SEM1: variants seen among roughly 807,000 people sequenced by gnomAD.
SEM1 encodes 26S proteasome complex subunit SEM1.
A neutral mutation model predicts 12.7 loss-of-function variants in SEM1; 3 were observed. That is an observed-to-expected ratio of 0.24 (90% CI 0.11 to 0.61). SEM1 has a LOEUF of 0.61. Ranked by LOEUF, SEM1 falls within the 20% of genes least tolerant of loss-of-function variation. The pLI, the probability that SEM1 is intolerant of heterozygous loss-of-function variation, is 0.88. For synonymous variants in SEM1, 30 were observed against 27.8 expected, an observed-to-expected ratio of 1.08 and a Z score of -0.25; for missense variants, 59 against 81.3, an observed-to-expected ratio of 0.73 and a Z score of 1.06.
Position 96,678,002 on chromosome 7 carries a change from C to T in SEM1, c.171-4143G>A, listed in dbSNP as rs1000051596. Reference sequence around the variant, plus strand: ...CATATGTGAACTAACAGACTACTTTCAGTGAATACAATGCCTGACGCTTGG... The same window carrying T: ...CATATGTGAACTAACAGACTACTTTTAGTGAATACAATGCCTGACGCTTGG... On this transcript the variant is annotated intron_variant, in intron 2 of 2. Transcript: ENST00000413065. Among the ~76,000 whole-genome samples, 4 of 152,206 alleles carry T rather than the reference C, an allele frequency of 2.6e-5. No individual in the cohort carries two copies. In the East Asian group the frequency reaches 7.7e-4, roughly 29 times the overall value.
intron 2 of SEM1, among the ~76,000 whole-genome samples, chr7:96,595,963 G>A (rs1806985813): frequency 6.6e-6 from 1 of 152,204 alleles, no homozygotes; most frequent in African/African-American, 2.4e-5. Flanking sequence ...AATAGAGCAA[G>A]CTATGCAGCC....
At position 96,512,501 on chromosome 7, in the gene SEM1, G is replaced by C. The variant is rs528666512; in HGVS notation, c.171-5803C>G. ...TTAGTCAATATAATTGAAGCCAAAT[G>C]TAATTAATTATATAATTTCTGGCTG... On this transcript the variant is annotated intron_variant and NMD_transcript_variant, in intron 2 of 3. Transcript: ENST00000466986. 2.6e-5 allele frequency among the ~76,000 whole-genome samples: 4 copies of C among 152,228 alleles called. No individual in the cohort carries two copies. In the East Asian group the frequency reaches 5.8e-4, roughly 22 times the overall value.
intron 2 of SEM1, chr7:96,647,394 T>C (rs1432002917): frequency 6.6e-6 from 1 of 152,232 alleles, no homozygotes; most frequent in Non-Finnish European, 1.5e-5. Context: ...AGACAAGTAC[T>C]TTTCTCTTAG....
At chr7:96,526,044 C>A (rs570727940) in intron 2 of SEM1, among the ~76,000 whole-genome samples, 1 of 152,036 alleles carries the variant, frequency 6.6e-6, no homozygotes. Flanking sequence ...ATTTTAAAAT[C>A]TTTTTATCAC....
intron 2 of SEM1, among the ~76,000 whole-genome samples, chr7:96,564,486 A>C (rs1279302327): frequency 1.3e-5 from 2 of 152,050 alleles, no homozygotes; most frequent in African/African-American, 4.8e-5. Context: ...CAGGTTCTGG[A>C]GATTAGCAAG....
chr7:96,709,280 G>GT (rs1790571560), intron 1 of SEM1, among the ~76,000 whole-genome samples: 2 of 152,192 alleles, frequency 1.3e-5, no homozygotes, highest in Admixed American at 6.5e-5. Flanking sequence ...CAGCATTGGC[G>GT]TAACTACTGA....
chr7:96,575,088 C>T (rs1000659043), intron 2 of SEM1, among the ~76,000 whole-genome samples: 3 of 152,174 alleles, frequency 2.0e-5, no homozygotes, highest in Non-Finnish European at 2.9e-5. Flanking sequence ...GGTTTTTCCT[C>T]ATCTTTGTGG....
intron 2 of SEM1, among the ~76,000 whole-genome samples, chr7:96,511,914 C>T (rs927465063): frequency 4.6e-5 from 7 of 152,086 alleles, no homozygotes; most frequent in Admixed American, 2.0e-4. Flanking sequence ...GCATACAAAT[C>T]ACCTGACATT....
At chr7:96,483,716 C>T in exon 4 of SEM1, 2 of 1,077,066 alleles carry the variant, frequency 1.9e-6, no homozygotes, top group Middle Eastern at 5.4e-4. Context: ...ATGTGACCCA[C>T]CCAGCCACAC....
chr7:96,509,500 G>A (rs1803864812), intron 2 of SEM1, among the ~76,000 whole-genome samples: 1 of 152,094 alleles, frequency 6.6e-6, no homozygotes, highest in Non-Finnish European at 1.5e-5. Context: ...ATCAATGGAA[G>A]AACAAACTCT....
chr7:96,503,146 A>G (rs1803626329), intron 3 of SEM1, among the ~76,000 whole-genome samples: 1 of 152,168 alleles, frequency 6.6e-6, no homozygotes, highest in South Asian at 2.1e-4. Context: ...AGGCTCTCCA[A>G]AATGGCTATG....
At chr7:96,492,585 ATTTTTTTTTT>A (rs59252542) in intron 1 of SEM1, among the ~76,000 whole-genome samples, 19 of 79,674 alleles carry the variant, frequency 2.4e-4, no homozygotes, top group East Asian at 8.8e-4. Context: ...AATTTTTTGT[ATTTTTTTTTT>A]TTTTTTTTTT....
chr7:96,699,919 C>A (rs906587666), intron 1 of SEM1, among the ~76,000 whole-genome samples: 1 of 132,612 alleles, frequency 7.5e-6, no homozygotes, highest in African/African-American at 2.5e-5. Context: ...ACTGATTCTT[C>A]TCTCCCTTAA....
intron 1 of SEM1, among the ~76,000 whole-genome samples, chr7:96,703,681 T>C (rs181367902): frequency 9.3e-5 from 14 of 151,280 alleles, no homozygotes; most frequent in Non-Finnish European, 4.4e-5. Flanking sequence ...CCAGGTGCAG[T>C]GGCTCACCTG....
chr7:96,660,928 C>T (rs955799395), intron 2 of SEM1, among the ~76,000 whole-genome samples: 2 of 150,998 alleles, frequency 1.3e-5, no homozygotes. Flanking sequence ...AACGTAATTA[C>T]AAAAAAAATC....
rs148024506 is a variant in SEM1 at position 96,525,721 on chromosome 7, C to G, written c.171-19023G>C. ...TGCATAACAGGAGGTCAGCAGCAGG[C>G]AAGCCAGAATTACTGCCTGAGCTCT... On this transcript the variant is annotated intron_variant and NMD_transcript_variant, in intron 2 of 3. Transcript: ENST00000466986. Among the ~76,000 whole-genome samples, 143 of 152,262 alleles carry G rather than the reference C, an allele frequency of 9.4e-4. 1 individual carries two copies. Among genetic ancestry groups the G allele is most frequent in the Middle Eastern group, 3.4e-3 (1 of 294 alleles).
chr7:96,695,153 A>G (rs192397613), intron 1 of SEM1: 19 of 278,848 alleles, frequency 6.8e-5, no homozygotes. Flanking sequence ...TATTTACTTT[A>G]CTGATTTTTC....
chr7:96,690,916 G>A (rs1327951349), intron 2 of SEM1, among the ~76,000 whole-genome samples: 7 of 151,960 alleles, frequency 4.6e-5, no homozygotes, highest in South Asian at 2.1e-4. Context: ...GACTACAGGC[G>A]CCCGCCACCA....
intron 2 of SEM1, among the ~76,000 whole-genome samples, chr7:96,665,337 A>C (rs1218343650): frequency 1.3e-5 from 2 of 152,154 alleles, no homozygotes; most frequent in Non-Finnish European, 2.9e-5. Flanking sequence ...CAGGGGAGGG[A>C]AGAGATAGAA....
Sources: allele counts gnomAD v4.1 joint callset (sites outside exome capture counted in the v4.1 genomes callset), GRCh38; gene constraint gnomAD v4.1.1; transcripts MANE v1.5; gene names NCBI Gene and HGNC (gene_info 2026-07-23, HGNC 2026-07-21).